The following MUC4 variants were observed in gnomAD, a reference collection of about 807,000 sequenced individuals.
MUC4 encodes the protein mucin 4, cell surface associated, also known as mucin-4.
MUC4 carries 202 observed loss-of-function variants against 257.9 expected under a neutral mutation model. The observed-to-expected ratio is 0.78, with a 90% CI of 0.70 to 0.88. MUC4 has a LOEUF of 0.88. MUC4 is among the 40% of genes least tolerant of loss of function. The pLI, the probability that MUC4 is intolerant of heterozygous loss-of-function variation, is 0.00. For missense variants in MUC4, 5,976 were observed against 6,513.7 expected, an observed-to-expected ratio of 0.92 and a Z score of 2.84; for synonymous variants, 2,351 against 2,757.1, an observed-to-expected ratio of 0.85 and a Z score of 4.62.
In MUC4 at chr3:195,809,017, G is replaced by T. The variant is rs956377114; in HGVS notation, c.82+2719C>A. Among the ~76,000 whole-genome samples, 9 of 152,276 alleles carry T rather than the reference G, an allele frequency of 5.9e-5. 1 individual carries two copies. Among genetic ancestry groups the T allele is most frequent in the Admixed American group, 5.9e-4 (9 of 15,292 alleles). On this transcript the variant is annotated intron_variant, in intron 1 of 24. Transcript: ENST00000463781. ...TCACCTCCCTGGGGTCACTGATAGT[G>T]CTGGAGACCAAGGCCTATTTCGACC... is the stretch of plus-strand genomic sequence containing the variant.
intron 23 of MUC4, among the ~76,000 whole-genome samples, chr3:195,749,562 CT>C (rs1715934458): frequency 6.6e-6 from 1 of 152,124 alleles, no homozygotes; most frequent in African/African-American, 2.4e-5. Context: ...GTCCACAGTA[CT>C]CAGTACAGTG....
rs1730847303 is a variant in MUC4, at chr3:195,785,093, C to T, written c.6487G>A (p.Val2163Ile). 1 of 1,466,720 alleles carries T rather than the reference C, an allele frequency of 6.8e-7. No homozygotes were observed. The highest frequency in any genetic ancestry group is 9.1e-7 in the Non-Finnish European group (1 of 1,098,378). The allele number at this position is 1,466,720 out of a possible 1,614,324, so 90.9% of individuals were successfully genotyped here. A position where few individuals can be genotyped will look rare whatever the true frequency, so the allele number is the denominator to read the frequency against. The change falls in exon 2 of 25, where the codon GTC (valine) becomes ATC (isoleucine). Residue 2163 changes from valine (V) to isoleucine (I), a missense_variant. By Grantham distance (29) the Val-to-Ile change is conservative. Around this residue, in one of 44 missense-constraint regions of MUC4, gnomAD observed 85 missense variants for 325.0 expected, o/e 0.26. Coordinates refer to ENST00000463781, the MANE Select transcript of MUC4 (RefSeq NM_018406.7). ...VSTGHATSLP[V>I]TDTSSASTGH... is the part of the protein sequence containing the mutation. ...GTGGATGCTGAGGAAGTGTCGGTGA[C>T]AGGAAGAGAGGTGGCGTGACCTGTG...
chr3:195,753,310 A>T (rs1322291032), intron 19 of MUC4, 80 bp from the exon 20 acceptor site: 15 of 1,434,518 alleles, frequency 1.0e-5, no homozygotes, highest in Admixed American at 1.9e-5. Context: ...CCGCTCCGGG[A>T]CAGGCTTGCT....
At chr3:195,803,390 CG>C (rs1735592210) in intron 1 of MUC4, among the ~76,000 whole-genome samples, 1 of 152,220 alleles carries the variant, frequency 6.6e-6, no homozygotes, top group Non-Finnish European at 1.5e-5. Flanking sequence ...AATAAATTCA[CG>C]TTCTTCCTAC....
intron 9 of MUC4, 33 bp downstream of exon 9, chr3:195,765,237 G>C (rs1298841532): frequency 4.4e-6 from 7 of 1,593,456 alleles, no homozygotes; most frequent in Non-Finnish European, 6.0e-6. Context: ...AGGGTGGTGG[G>C]TGGGCTTGTG....
intron 3 of MUC4, among the ~76,000 whole-genome samples, chr3:195,777,982 G>A (rs1725357043): frequency 6.6e-6 from 1 of 151,802 alleles, no homozygotes; most frequent in Admixed American, 6.6e-5. Flanking sequence ...CCCTGCCTGG[G>A]GTGCTCCTCC....
chr3:195,791,386 G>A lies in MUC4; in HGVS notation c.194C>T (p.Thr65Ile), dbSNP rs1161992463. Residue 65 changes from threonine to isoleucine, a missense_variant, in exon 2 of 25, where the codon ACC becomes ATC. By Grantham distance (89) the Thr-to-Ile change is moderately conservative (BLOSUM62 -1). Transcript: ENST00000463781. ...TGAAGCTGATATGTCCTGATTAGAG[G>A]TCCTTGAAGAAGCTGCAGTTGATTG... ...EGQSTAASSR[T>I]SNQDISASSQ... is the part of the protein sequence containing the mutation. 3.1e-6 allele frequency: 5 copies of A among 1,614,020 alleles called. No individual in the cohort carries two copies. The highest frequency in any genetic ancestry group is 3.3e-5 in the Admixed American group (2 of 60,032).
chr3:195,762,071 T>C lies in MUC4; in HGVS notation c.14512+16A>G, dbSNP rs765115946. On this transcript the variant is annotated intron_variant, in intron 14 of 24. Transcript: ENST00000463781. ...GGCTCCGCGGAGCCTCAGAGGCAGG[T>C]CCGAGCCGCCCTCACCCAGGAGCCC... 1.6e-5 allele frequency: 25 copies of C among 1,568,316 alleles called. No homozygotes were observed. Among genetic ancestry groups the C allele is most frequent in the Non-Finnish European group, 1.9e-5 (22 of 1,163,710 alleles).
intron 14 of MUC4, 139 bp downstream of exon 14, chr3:195,761,947 GC>G (rs1719037363): frequency 9.3e-7 from 1 of 1,072,292 alleles, no homozygotes; most frequent in Non-Finnish European, 1.3e-6. Context: ...TCGGCTCCCG[GC>G]CCGCTCTGTG....
At chr3:195,752,101 T>G in intron 21 of MUC4, 1 of 476,834 alleles carries the variant, frequency 2.1e-6, no homozygotes. Context: ...GAAATGTCCT[T>G]TAGTTTCTTT....
chr3:195,789,660 A>C lies in MUC4; in HGVS notation c.1920T>G (p.Thr640=). The change falls in exon 2 of 25, where the codon ACT becomes ACG. Residue 640 remains threonine, a synonymous_variant. Coordinates refer to ENST00000463781, the MANE Select transcript of MUC4 (RefSeq NM_018406.7). ...ESPAVSQRGH[T]QAPQTTQESQ... ...ATTCTTGTGTGGTCTGCGGGGCTTG[A>C]GTGTGACCCCTTTGGGAAACAGCTG... 6.2e-7 allele frequency: 1 copy of C among 1,613,706 alleles called. No individual in the cohort carries two copies. The highest frequency in any genetic ancestry group is 8.5e-7 in the Non-Finnish European group (1 of 1,179,840).
Position 195,747,104 on chromosome 3 carries a change from A to G in MUC4, c.*72T>C. 6.3e-7 allele frequency: 1 copy of G among 1,585,406 alleles called. No homozygotes were observed. The highest frequency in any genetic ancestry group is 8.6e-7 in the Non-Finnish European group (1 of 1,157,392). On this transcript the variant is annotated 3_prime_UTR_variant, in exon 25 of 25. Coordinates refer to ENST00000463781, the MANE Select transcript of MUC4 (RefSeq NM_018406.7). The stretch of plus-strand genomic sequence containing the variant: ...TCACCTTCCCTTTTCCAGTCTCCCA[A>G]AAGCAATGGCGCCTTAAATGTGCGG...
intron 24 of MUC4, 69 bp downstream of exon 24, chr3:195,748,833 C>T (rs1715715034): frequency 2.2e-5 from 32 of 1,467,702 alleles, no homozygotes; most frequent in Non-Finnish European, 1.8e-6. Flanking sequence ...TCCTGGACCC[C>T]TTGCAGTGTC....
intron 20 of MUC4, among the ~76,000 whole-genome samples, chr3:195,752,737 G>A (rs573932368): frequency 2.0e-5 from 3 of 152,326 alleles, no homozygotes; most frequent in Admixed American, 2.0e-4. Flanking sequence ...TGAAGAAACC[G>A]GGAGAAGTGG....
At chr3:195,748,767 T>C in intron 24 of MUC4, 135 bp downstream of exon 24, 1 of 1,224,590 alleles carries the variant, frequency 8.2e-7, no homozygotes, top group Non-Finnish European at 1.1e-6. Flanking sequence ...CACTCACAAC[T>C]CTCCTTTTCC....
chr3:195,757,192 C>CCATTGCAA lies in MUC4; in HGVS notation c.15122_15123insTTGCAATG (p.Gln5041HisfsTer64), dbSNP rs775168285. On this transcript the variant is annotated frameshift_variant, in exon 18 of 25. Coordinates refer to ENST00000463781, the MANE Select transcript of MUC4 (RefSeq NM_018406.7). LOFTEE classifies it high-confidence loss of function. This position sits in a 1 kb window ranked among gnomAD's most constrained non-coding sequence, Gnocchi z 4.8. ...CCCTGCTGGTCTGATTGTACAAACACTGGCTCTCTGCATTGCAATGGCAGA... is the reference window on the plus strand; with the variant it reads ...CCCTGCTGGTCTGATTGTACAAACACCATTGCAATGGCTCTCTGCATTGCAATGGCAGA... 1 of 1,612,222 alleles carries CCATTGCAA rather than the reference C, an allele frequency of 6.2e-7. No individual in the cohort carries two copies. The highest frequency in any genetic ancestry group is 8.5e-7 in the Non-Finnish European group (1 of 1,178,534).
Position 195,782,117 on chromosome 3 carries a change from C to G in MUC4, c.9463G>C (p.Val3155Leu). Reference protein sequence around the residue: ...ASTGDTTPLPVTDTSSASTGQ... With the variant: ...ASTGDTTPLPLTDTSSASTGQ... ...GTGGATGCTGAGGAAGTGTCGGTGA[C>G]AGGAAGAGGGGTGGTGTCACCTGTG... The change falls in exon 2 of 25, where the codon GTC (valine) becomes CTC (leucine). Residue 3155 changes from valine (V) to leucine (L), a missense_variant. By Grantham distance (32) the Val-to-Leu change is conservative. Around this residue, in one of 44 missense-constraint regions of MUC4, gnomAD observed 128 missense variants for 104.8 expected, o/e 1.22. Coordinates refer to ENST00000463781, the MANE Select transcript of MUC4 (RefSeq NM_018406.7). 1 of 1,367,786 alleles carries G rather than the reference C, an allele frequency of 7.3e-7. No individual in the cohort carries two copies. Among genetic ancestry groups the G allele is most frequent in the East Asian group, 4.0e-5 (1 of 24,994 alleles). The allele number at this position is 1,367,786 out of a possible 1,614,324, so 84.7% of individuals were successfully genotyped here. A position where few individuals can be genotyped will look rare whatever the true frequency, so the allele number is the denominator to read the frequency against.
chr3:195,777,884 C>T (rs62282464), intron 3 of MUC4, among the ~76,000 whole-genome samples: 21 of 51,806 alleles, frequency 4.1e-4, no homozygotes, highest in Non-Finnish European at 5.4e-4. Context: ...ACCTTCCACA[C>T]CCATACCTTC....
Position 195,759,106 on chromosome 3 carries a change from C to T in MUC4, c.14986+18G>A. 6.2e-7 allele frequency: 1 copy of T among 1,613,200 alleles called. No individual in the cohort carries two copies. Among genetic ancestry groups the T allele is most frequent in the Non-Finnish European group, 8.5e-7 (1 of 1,179,592 alleles). On this transcript the variant is annotated intron_variant, in intron 17 of 24. Transcript: ENST00000463781. Reference sequence around the variant, plus strand: ...CTACCCACCTCCCCACTCTCCCCAGCCAGCCAAATAGTCCTACCAAAGAGC... The same window carrying T: ...CTACCCACCTCCCCACTCTCCCCAGTCAGCCAAATAGTCCTACCAAAGAGC...
Sources: allele counts gnomAD v4.1 joint callset (sites outside exome capture counted in the v4.1 genomes callset), GRCh38; gene constraint gnomAD v4.1.1; regional missense constraint gnomAD v4.1.1; non-coding constraint Gnocchi (gnomAD v3.1); transcripts MANE v1.5; gene names NCBI Gene and HGNC (gene_info 2026-07-23, HGNC 2026-07-21).